DOCK4: variants seen among roughly 807,000 people sequenced by gnomAD.
The protein encoded by DOCK4 is dedicator of cytokinesis protein 4.
DOCK4 carries 97 observed loss-of-function variants against 268.1 expected under a neutral mutation model. That is an observed-to-expected ratio of 0.36 (90% CI 0.31 to 0.43). DOCK4 has a LOEUF of 0.43. Ranked by LOEUF, DOCK4 falls within the 20% of genes least tolerant of loss-of-function variation. The pLI is 1.00. For synonymous variants in DOCK4, 954 were observed against 887.2 expected (o/e 1.08, Z -1.34); for missense variants, 2,145 against 2,455.7 (o/e 0.87, Z 2.67).
At chr7:112,172,506 A>G (rs1818174500) in intron 1 of DOCK4, among the ~76,000 whole-genome samples, 1 of 152,246 alleles carries the variant, frequency 6.6e-6, no homozygotes, top group Non-Finnish European at 1.5e-5. Flanking sequence ...CTTTGTATCA[A>G]GAGAACAAGT....
At chr7:111,944,972 G>T in intron 9 of DOCK4, 101 bp from the exon 10 acceptor site, 3 of 899,248 alleles carry the variant, frequency 3.3e-6, no homozygotes, top group Non-Finnish European at 5.5e-6. Context: ...GATGGACACA[G>T]ACATTCTTAA....
chr7:112,046,592 G>A (rs1200104831), intron 1 of DOCK4, among the ~76,000 whole-genome samples: 2 of 152,154 alleles, frequency 1.3e-5, no homozygotes, highest in African/African-American at 4.8e-5. Context: ...GCTGAGGTGG[G>A]AGGATCACTT....
chr7:111,817,226 T>C (rs1337968326), intron 27 of DOCK4, among the ~76,000 whole-genome samples: 1 of 152,196 alleles, frequency 6.6e-6, no homozygotes, highest in Non-Finnish European at 1.5e-5. Flanking sequence ...TTCAGCATAG[T>C]AATATATAGT....
chr7:111,828,776 A>G (rs1314030410), intron 26 of DOCK4, among the ~76,000 whole-genome samples: 1 of 151,968 alleles, frequency 6.6e-6, no homozygotes, highest in African/African-American at 2.4e-5. Context: ...ATATAATGAG[A>G]TTCAGAAGAA....
At chr7:111,914,483 C>T (rs1278421764) in intron 13 of DOCK4, among the ~76,000 whole-genome samples, 4 of 152,192 alleles carry the variant, frequency 2.6e-5, no homozygotes, top group Non-Finnish European at 5.9e-5. Context: ...CTTCCCTCTT[C>T]GAATCTCCAT....
rs1562997227 is a variant in DOCK4 at position 112,018,175 on chromosome 7, A to AC, written c.38-14045_38-14044insG. On this transcript the variant is annotated intron_variant, in intron 1 of 52. Coordinates refer to ENST00000428084, the MANE Select transcript of DOCK4 (RefSeq NM_001363540.2). The stretch of plus-strand genomic sequence containing the variant: ...AAAAAAAAAAAAAAAAAAAAAAAAA[A>AC]AAAAACACAGGCAACCAGTATTCAT... 3.3e-5 allele frequency among the ~76,000 whole-genome samples: 3 copies of AC among 91,344 alleles called. 1 individual carries two copies. Among genetic ancestry groups the AC allele is most frequent in the African/African-American group, 9.4e-5 (3 of 31,790 alleles). The allele number at this position is 91,344 out of a possible 152,430, so 59.9% of individuals were successfully genotyped here.
At chr7:111,861,651 C>T (rs1273123036) in intron 23 of DOCK4, among the ~76,000 whole-genome samples, 5 of 150,266 alleles carry the variant, frequency 3.3e-5, no homozygotes, top group Non-Finnish European at 5.9e-5. Flanking sequence ...GAGGCTGAGA[C>T]GGGAGAATCA....
At chr7:111,924,723 C>G (rs1793454255) in intron 12 of DOCK4, among the ~76,000 whole-genome samples, 1 of 152,000 alleles carries the variant, frequency 6.6e-6, no homozygotes, top group Admixed American at 6.6e-5. Flanking sequence ...CAAGACCAAC[C>G]TGGCCAATGT....
chr7:111,935,906 G>A (rs542214756), intron 11 of DOCK4, among the ~76,000 whole-genome samples: 1 of 152,242 alleles, frequency 6.6e-6, no homozygotes, highest in Admixed American at 6.5e-5. Flanking sequence ...AAATCTCAGA[G>A]AACAATGTAT....
At chr7:111,857,524 C>T (rs534689036) in intron 23 of DOCK4, among the ~76,000 whole-genome samples, 5 of 152,252 alleles carry the variant, frequency 3.3e-5, no homozygotes, top group African/African-American at 1.2e-4. Context: ...ATTATCTGTG[C>T]TGGGATTTGC....
chr7:111,732,337 T>C, intron 51 of DOCK4, 50 bp from the exon 52 acceptor site: 1 of 1,588,386 alleles, frequency 6.3e-7, no homozygotes, highest in Non-Finnish European at 8.6e-7. Context: ...ACCAGACGAT[T>C]GACTATCTGC....
intron 30 of DOCK4, among the ~76,000 whole-genome samples, chr7:111,798,306 G>T (rs1800041120): frequency 6.6e-6 from 1 of 152,216 alleles, no homozygotes; most frequent in Non-Finnish European, 1.5e-5. Flanking sequence ...GGCTCCAGCA[G>T]CTCAAACTGC....
At chr7:111,802,857 A>G (rs1800404132) in intron 30 of DOCK4, among the ~76,000 whole-genome samples, 1 of 151,966 alleles carries the variant, frequency 6.6e-6, no homozygotes, top group Admixed American at 6.5e-5. Context: ...CATTTTACCT[A>G]ATACCCCAAC....
Position 111,944,795 on chromosome 7 carries a change from C to T in DOCK4, c.844+16G>A. On this transcript the variant is annotated intron_variant, in intron 10 of 52. Coordinates refer to ENST00000428084, the MANE Select transcript of DOCK4 (RefSeq NM_001363540.2). The stretch of plus-strand genomic sequence containing the variant: ...CTGTTCCTTGCCCCTACTGCACTGA[C>T]AAGTGTTATACCTACCGATTCGGAT... 6.2e-7 allele frequency: 1 copy of T among 1,612,836 alleles called. No homozygotes were observed. Among genetic ancestry groups the T allele is most frequent in the Non-Finnish European group, 8.5e-7 (1 of 1,178,864 alleles).
intron 1 of DOCK4, among the ~76,000 whole-genome samples, chr7:112,179,466 T>C (rs1052596282): frequency 4.0e-5 from 6 of 151,244 alleles, no homozygotes; most frequent in African/African-American, 1.5e-4. Context: ...AATGTTAACA[T>C]ATCATTATTT....
At chr7:112,009,850 A>G (rs1231278861) in intron 1 of DOCK4, among the ~76,000 whole-genome samples, 1 of 152,176 alleles carries the variant, frequency 6.6e-6, no homozygotes, top group Admixed American at 6.5e-5. Flanking sequence ...ACAGCGTCTC[A>G]CCGTCGCCCA....
At chr7:111,754,139 C>T (rs1796871466) in intron 42 of DOCK4, among the ~76,000 whole-genome samples, 1 of 151,778 alleles carries the variant, frequency 6.6e-6, no homozygotes, top group Non-Finnish European at 1.5e-5. Context: ...CAGCGGGAAG[C>T]ATAATAAGAC....
intron 52 of DOCK4, among the ~76,000 whole-genome samples, chr7:111,731,561 T>C (rs1795084459): frequency 6.6e-6 from 1 of 152,212 alleles, no homozygotes; most frequent in Non-Finnish European, 1.5e-5. Flanking sequence ...TAAATATTAT[T>C]CTTTATCTTC....
At chr7:112,085,005 C>T (rs959134979) in intron 1 of DOCK4, among the ~76,000 whole-genome samples, 3 of 152,002 alleles carry the variant, frequency 2.0e-5, no homozygotes, top group African/African-American at 4.8e-5. Context: ...GAATTTGGAG[C>T]GAGGGCTGTC....
Sources: gnomAD v4.1 joint callset for allele counts (sites outside exome capture counted in the v4.1 genomes callset) on GRCh38, gnomAD v4.1.1 for gene constraint, MANE v1.5 for transcripts, NCBI Gene and HGNC (gene_info 2026-07-23, HGNC 2026-07-21) for gene names.